The following ZNF655 variants were observed in gnomAD, a reference collection of about 807,000 sequenced individuals.
ZNF655 encodes the protein zinc finger protein 655.
ZNF655 carries 3 observed loss-of-function variants against 6.6 expected under a neutral mutation model. The ratio of observed to expected loss-of-function variants is 0.46; its 90% CI spans 0.21 to 1.18. The LOEUF is 1.18. Ranked by LOEUF, ZNF655 falls within the 50% of genes most tolerant of loss-of-function variation. The pLI, the probability that ZNF655 is intolerant of heterozygous loss-of-function variation, is 0.24. For synonymous variants in ZNF655, 178 were observed against 195.0 expected (o/e 0.91, Z 0.73); for missense variants, 526 against 572.3 (o/e 0.92, Z 0.83).
At chr7:99,569,557 T>G (rs2151165171) in intron 2 of ZNF655, among the ~76,000 whole-genome samples, 1 of 152,312 alleles carries the variant, frequency 6.6e-6, no homozygotes, top group Middle Eastern at 3.4e-3. Context: ...ATTGTAACCT[T>G]GGGCAAGCTA....
intron 2 of ZNF655, chr7:99,563,858 T>C (rs1803410426): frequency 6.2e-7 from 1 of 1,607,298 alleles, no homozygotes; most frequent in African/African-American, 1.3e-5. Context: ...CTTTAATCTT[T>C]GTAGGCATAC....
In ZNF655 at chr7:99,573,622, C is replaced by T. The variant is rs780004213; in HGVS notation, c.*38C>T. The stretch of plus-strand genomic sequence containing the variant: ...TGGGAAGATATTTATCAAATTCAGG[C>T]TTCATTCAGCATCTGAGAGTTCACA... On this transcript the variant is annotated 3_prime_UTR_variant, in exon 3 of 3. Coordinates refer to ENST00000252713, the MANE Select transcript of ZNF655 (RefSeq NM_138494.3). The T allele has an allele frequency of 1.7e-5, 27 of 1,568,682 alleles. No homozygotes were observed. In the South Asian group the frequency reaches 2.9e-4, roughly 17 times the overall value.
rs369149319 is a variant in ZNF655, at chr7:99,573,755, C to T, written c.*171C>T. The T allele has an allele frequency of 1.9e-5, 14 of 731,794 alleles. No homozygotes were observed. Among genetic ancestry groups the T allele is most frequent in the Middle Eastern group, 3.4e-4 (1 of 2,930 alleles). The allele number at this position is 731,794 out of a possible 1,614,324, so 45.3% of individuals were successfully genotyped here. A position where few individuals can be genotyped will look rare whatever the true frequency, so the allele number is the denominator to read the frequency against. ...CCAGAGAGAAACCCTCTGAATGTGA[C>T]GAATGAAGAAAAGGTATTAGTGTTA... On this transcript the variant is annotated 3_prime_UTR_variant, in exon 3 of 3. Coordinates refer to ENST00000252713, the MANE Select transcript of ZNF655 (RefSeq NM_138494.3).
rs943247009 is a variant in ZNF655, at chr7:99,574,986, A to G, written c.*1402A>G. ...TGATTGACAATATATCCAGTCCAAT[A>G]TAAGTATGAAGGATTCTCTCTCCTG... On this transcript the variant is annotated 3_prime_UTR_variant, in exon 3 of 3. Transcript: ENST00000252713. The G allele has an allele frequency of 1.3e-5, 2 of 152,558 alleles. No individual in the cohort carries two copies. Among genetic ancestry groups the G allele is most frequent in the African/African-American group, 4.8e-5 (2 of 41,456 alleles). The allele number at this position is 152,558 out of a possible 1,614,324, so 9.5% of individuals were successfully genotyped here.
At chr7:99,570,001 C>T (rs1416241280) in intron 2 of ZNF655, among the ~76,000 whole-genome samples, 1 of 152,128 alleles carries the variant, frequency 6.6e-6, no homozygotes, top group Non-Finnish European at 1.5e-5. Context: ...CATTTTATCA[C>T]TCTGTATGCC....
At chr7:99,564,190 A>G (rs1803454261) in intron 2 of ZNF655, 6 of 1,405,018 alleles carry the variant, frequency 4.3e-6, no homozygotes, top group Non-Finnish European at 5.5e-6. Context: ...GCAACCAGAT[A>G]TGTTTTGAAC....
intron 2 of ZNF655, among the ~76,000 whole-genome samples, chr7:99,561,205 GTA>G (rs1803122851): frequency 1.3e-5 from 2 of 152,226 alleles, no homozygotes. Flanking sequence ...CTGTATGAAT[GTA>G]TATATACTGT....
rs1426487902 is a variant in ZNF655 at position 99,574,430 on chromosome 7, A to G, written c.*846A>G. On this transcript the variant is annotated 3_prime_UTR_variant, in exon 3 of 3. Coordinates refer to ENST00000252713, the MANE Select transcript of ZNF655 (RefSeq NM_138494.3). ...AATTTTGATATTAAAAAGAACAGAG[A>G]TGGGGTCTTGCTTTGTTGCCCAGGC... 5 of 152,100 alleles carry G rather than the reference A, an allele frequency of 3.3e-5. No individual in the cohort carries two copies. Among genetic ancestry groups the G allele is most frequent in the African/African-American group, 1.2e-4 (5 of 41,414 alleles). The allele number at this position is 152,100 out of a possible 1,614,324, so 9.4% of individuals were successfully genotyped here. A position where few individuals can be genotyped will look rare whatever the true frequency, so the allele number is the denominator to read the frequency against.
At position 99,574,184 on chromosome 7, in the gene ZNF655, T is replaced by C. The variant is rs1168033827; in HGVS notation, c.*600T>C. ...AGACAAGAATTTGATGTAACGCAAA[T>C]GGAAAAACTCGACACCACATTTCAG... On this transcript the variant is annotated 3_prime_UTR_variant, in exon 3 of 3. Coordinates refer to ENST00000252713, the MANE Select transcript of ZNF655 (RefSeq NM_138494.3). The C allele has an allele frequency of 6.6e-6, 1 of 152,182 alleles. No homozygotes were observed. Among genetic ancestry groups the C allele is most frequent in the African/African-American group, 2.4e-5 (1 of 41,424 alleles). 9.4% of individuals were successfully genotyped at this position (152,182 alleles called of 1,614,324 possible).
At chr7:99,564,004 G>A (rs201960072) in intron 2 of ZNF655, 163 of 1,613,364 alleles carry the variant, frequency 1.0e-4, no homozygotes, top group African/African-American at 1.2e-4. Flanking sequence ...CCCAAGTATC[G>A]GCTTCCCATC....
chr7:99,563,191 C>G (rs1157150090), intron 2 of ZNF655: 3 of 455,406 alleles, frequency 6.6e-6, no homozygotes, highest in Non-Finnish European at 1.3e-5. Flanking sequence ...TTGAAAGGTA[C>G]AGTGGGAAGC....
rs535094210 is a variant in ZNF655, at chr7:99,573,398, T to C, written c.1290T>C (p.His430=). The C allele has an allele frequency of 1.1e-4, 183 of 1,613,932 alleles. No homozygotes were observed. Among genetic ancestry groups the C allele is most frequent in the Non-Finnish European group, 1.5e-4 (172 of 1,179,982 alleles). The change falls in exon 3 of 3, where the codon CAT becomes CAC. Residue 430 remains histidine, a synonymous_variant. Coordinates refer to ENST00000252713, the MANE Select transcript of ZNF655 (RefSeq NM_138494.3). ...GCCTTATTCAGCATCACAAAATGCATAGGAAAGAGAAATCGTATGAATGTA... is the reference window on the plus strand; with the variant it reads ...GCCTTATTCAGCATCACAAAATGCACAGGAAAGAGAAATCGTATGAATGTA... ...TSCLIQHHKM[H]RKEKSYECNE...
intron 2 of ZNF655, among the ~76,000 whole-genome samples, chr7:99,568,553 G>A (rs753158417): frequency 7.3e-5 from 11 of 151,600 alleles, no homozygotes; most frequent in Admixed American, 2.0e-4. Context: ...CCTGGCTGGG[G>A]TTTGGATTTT....
In ZNF655 at chr7:99,573,487, G is replaced by T. The variant is rs769661648; in HGVS notation, c.1379G>T (p.Arg460Ile). Residue 460 changes from arginine to isoleucine, a missense_variant, in exon 3 of 3, where the codon AGA becomes ATA. Coordinates refer to ENST00000252713, the MANE Select transcript of ZNF655 (RefSeq NM_138494.3). ...ATCCTGCAACAAGAAGTCCTCACCA[G>T]ACAGAAAGCCTTTGATTGTGATGTA... ...DLILQQEVLT[R>I]QKAFDCDVWE... 1 of 1,613,148 alleles carries T rather than the reference G, an allele frequency of 6.2e-7. No individual in the cohort carries two copies. The highest frequency in any genetic ancestry group is 8.5e-7 in the Non-Finnish European group (1 of 1,180,024).
intron 2 of ZNF655, among the ~76,000 whole-genome samples, chr7:99,563,477 C>G (rs1458927516): frequency 2.6e-5 from 4 of 152,068 alleles, no homozygotes; most frequent in African/African-American, 4.8e-5. Flanking sequence ...GGCCACCACG[C>G]CCGCCTAATT....
intron 1 of ZNF655, 112 bp downstream of exon 1, chr7:99,558,899 G>C (rs1802827216): frequency 6.6e-6 from 1 of 152,394 alleles, no homozygotes; most frequent in African/African-American, 2.4e-5. Context: ...TCGCTTCCCC[G>C]AGAGTGCGCG....
At chr7:99,559,785 A>AT (rs60274417) in intron 1 of ZNF655, among the ~76,000 whole-genome samples, 6,793 of 119,248 alleles carry the variant, frequency 0.057, 300 homozygotes, top group African/African-American at 0.11. Context: ...GGGCCACCTA[A>AT]TTTTTTTTTT....
chr7:99,566,928 A>AT (rs555878478), intron 2 of ZNF655, among the ~76,000 whole-genome samples: 22 of 150,260 alleles, frequency 1.5e-4, no homozygotes, highest in South Asian at 6.3e-4. Context: ...AAATAAAATA[A>AT]TTTTTTTTTT....
At chr7:99,569,195 A>C (rs935392828) in intron 2 of ZNF655, among the ~76,000 whole-genome samples, 5 of 152,164 alleles carry the variant, frequency 3.3e-5, no homozygotes, top group Non-Finnish European at 7.3e-5. Flanking sequence ...CTTTTACTTC[A>C]CTGTCAATAT....
Sources: gnomAD v4.1 joint callset for allele counts (sites outside exome capture counted in the v4.1 genomes callset) on GRCh38, gnomAD v4.1.1 for gene constraint, MANE v1.5 for transcripts, NCBI Gene and HGNC (gene_info 2026-07-23, HGNC 2026-07-21) for gene names.